The following ZNF318 variants were observed in gnomAD, a reference collection of about 807,000 sequenced individuals.
ZNF318 encodes endocrine regulator.
Under a neutral mutation model 124.2 loss-of-function variants are expected in ZNF318, and 51 were observed. The ratio of observed to expected loss-of-function variants is 0.41; its 90% CI spans 0.33 to 0.52. The LOEUF is 0.52. Ranked by LOEUF, ZNF318 falls within the 20% of genes least tolerant of loss-of-function variation. The probability of loss-of-function intolerance (pLI) is 0.23; values close to 1 mark genes in which losing one functional copy is unlikely to be tolerated. For synonymous variants in ZNF318, 1,090 were observed against 1,040.7 expected (o/e 1.05, Z -0.91); for missense variants, 2,815 against 2,811.2 (o/e 1.00, Z -0.03).
intron 1 of ZNF318, 104 bp downstream of exon 1, chr6:43,368,863 G>A (rs1472004723): frequency 1.6e-6 from 2 of 1,237,876 alleles, no homozygotes; most frequent in Non-Finnish European, 2.0e-6. Flanking sequence ...CGGAGGCTTC[G>A]CGCTTAGGAC....
In ZNF318 at chr6:43,339,595, T is replaced by G. The variant is rs1447797918; in HGVS notation, c.4403A>C (p.Gln1468Pro). The stretch of plus-strand genomic sequence containing the variant: ...TACTGGAGCCAAGATAGCATTTGCT[T>G]GAGCAGCAGACGGGGCAGCTGGATG... The part of the protein sequence containing the change: ...IPHPAAPSAA[Q>P]ANAILAPVKS... Residue 1468 changes from glutamine to proline, a missense_variant, in exon 10 of 10, where the codon CAA becomes CCA. Around this residue, in one of 4 missense-constraint regions of ZNF318, gnomAD observed 500 missense variants for 605.2 expected, o/e 0.83. Transcript: ENST00000361428. This position sits in a 1 kb window ranked among gnomAD's most constrained non-coding sequence, Gnocchi z 4.2. 5 of 1,582,340 alleles carry G rather than the reference T, an allele frequency of 3.2e-6. No homozygotes were observed. The highest frequency in any genetic ancestry group is 4.3e-6 in the Non-Finnish European group (5 of 1,168,944).
chr6:43,363,741 T>C (rs1779719201), intron 2 of ZNF318: 6 of 603,288 alleles, frequency 9.9e-6, no homozygotes. Flanking sequence ...TGTTGAAGAT[T>C]ATGCCAGTGC....
chr6:43,346,719 T>G (rs983327358), intron 6 of ZNF318, among the ~76,000 whole-genome samples: 5 of 151,534 alleles, frequency 3.3e-5, no homozygotes, highest in Non-Finnish European at 7.4e-5. Flanking sequence ...AATGGGTGAG[T>G]GGGGTTGGGA....
At position 43,357,425 on chromosome 6, in the gene ZNF318, G is replaced by C. The variant is rs137929235; in HGVS notation, c.889C>G (p.Arg297Gly). 3 of 1,614,142 alleles carry C rather than the reference G, an allele frequency of 1.9e-6. No individual in the cohort carries two copies. In the Admixed American group the frequency reaches 5.0e-5, roughly 27 times the overall value. The stretch of plus-strand genomic sequence containing the variant: ...CTTCTTCTACGCTGTCGATAGTTGC[G>C]AGTTCCTGATGTAAAACTTGGGTGA... ...GDHPSFTSGT[R>G]NYRQRRRSPS... The change falls in exon 3 of 10, where the codon CGC becomes GGC. Residue 297 changes from arginine to glycine, a missense_variant. Coordinates refer to ENST00000361428, the MANE Select transcript of ZNF318 (RefSeq NM_014345.3).
In ZNF318 at chr6:43,369,260, C is replaced by G. The variant is rs1779804776; in HGVS notation, c.106G>C (p.Ala36Pro). ...GGAGGCGGCGGTGAGCTGCGGCGAG[C>G]CGGGCCTGAGGAGGAGCCAGAGCTG... is the stretch of plus-strand genomic sequence containing the variant. ...GRSSGSSSGP[A>P]RRSSPPPPPS... The change falls in exon 1 of 10, where the codon GCT (alanine) becomes CCT (proline). Residue 36 changes from alanine (A) to proline (P), a missense_variant. This residue lies in a region of ZNF318 where 1,377 missense variants were observed against 1,353.5 expected (regional missense o/e 1.02). Coordinates refer to ENST00000361428, the MANE Select transcript of ZNF318 (RefSeq NM_014345.3). 4 of 1,277,870 alleles carry G rather than the reference C, an allele frequency of 3.1e-6. No individual in the cohort carries two copies. Among genetic ancestry groups the G allele is most frequent in the Non-Finnish European group, 4.0e-6 (4 of 1,010,420 alleles). The allele number at this position is 1,277,870 out of a possible 1,614,324, so 79.2% of individuals were successfully genotyped here.
intron 2 of ZNF318, among the ~76,000 whole-genome samples, chr6:43,361,031 GC>G (rs1779674966): frequency 6.6e-6 from 1 of 152,126 alleles, no homozygotes; most frequent in Non-Finnish European, 1.5e-5. Flanking sequence ...CTCTGAATAT[GC>G]GAAAAATCAC....
chr6:43,366,781 G>A (rs545642381), intron 1 of ZNF318, among the ~76,000 whole-genome samples: 18 of 152,218 alleles, frequency 1.2e-4, no homozygotes, highest in African/African-American at 3.1e-4. Context: ...ACTCAAGCCC[G>A]GGTGACAGAG....
chr6:43,337,703 TCCTAACA>T lies in ZNF318; in HGVS notation c.6288_6294del (p.Ser2096ArgfsTer8). 1 of 1,614,150 alleles carries T rather than the reference TCCTAACA, an allele frequency of 6.2e-7. No homozygotes were observed. Among genetic ancestry groups the T allele is most frequent in the Admixed American group, 1.7e-5 (1 of 60,020 alleles). On this transcript the variant is annotated frameshift_variant, in exon 10 of 10. Transcript: ENST00000361428. LOFTEE classifies it high-confidence loss of function. Reference sequence around the variant, plus strand: ...GTTTTCAAAATGTTAGGAGAAGGGATCCTAACACTCCTGGGATTAGGTGAGTTTCGTT... The same window carrying T: ...GTTTTCAAAATGTTAGGAGAAGGGATCTCCTGGGATTAGGTGAGTTTCGTT...
Position 43,338,044 on chromosome 6 carries a change from A to G in ZNF318, c.5954T>C (p.Val1985Ala). 6.2e-7 allele frequency: 1 copy of G among 1,614,152 alleles called. No individual in the cohort carries two copies. Among genetic ancestry groups the G allele is most frequent in the African/African-American group, 1.3e-5 (1 of 75,032 alleles). The change falls in exon 10 of 10, where the codon GTC becomes GCC. Residue 1985 changes from valine (V) to alanine (A), a missense_variant. Val to Ala is a moderately conservative substitution (Grantham distance 64, BLOSUM62 0). Around this residue, in one of 4 missense-constraint regions of ZNF318, gnomAD observed 927 missense variants for 820.6 expected, o/e 1.13. Coordinates refer to ENST00000361428, the MANE Select transcript of ZNF318 (RefSeq NM_014345.3). ...TATTGTCACTGTTAACTCTGGATGG[A>G]CATCTTGTAGCTCCAGTGCTTCTGT... ...PKTEALELQD[V>A]HPELTVTIES...
chr6:43,355,743 T>A lies in ZNF318; in HGVS notation c.1591A>T (p.Ile531Phe). The A allele has an allele frequency of 6.2e-7, 1 of 1,614,190 alleles. No homozygotes were observed. Residue 531 changes from isoleucine to phenylalanine, a missense_variant, in exon 4 of 10, where the codon ATT becomes TTT. Transcript: ENST00000361428. ...QEKRRRSFPD[I>F]EDEEKFLYGD... is the part of the protein sequence containing the mutation. ...TAGAGAAATTTCTCCTCATCTTCAATGTCGGGAAAGCTACGTCGCCTTTTT... is the reference window on the plus strand; with the variant it reads ...TAGAGAAATTTCTCCTCATCTTCAAAGTCGGGAAAGCTACGTCGCCTTTTT...
In ZNF318 at chr6:43,365,439, C is replaced by T. The variant is rs201521793; in HGVS notation, c.401G>A (p.Arg134Lys). 2 of 1,613,222 alleles carry T rather than the reference C, an allele frequency of 1.2e-6. No homozygotes were observed. The highest frequency in any genetic ancestry group is 2.2e-5 in the East Asian group (1 of 44,876). Residue 134 changes from arginine (R) to lysine (K), a missense_variant and splice_region_variant, in exon 2 of 10, where the codon AGA becomes AAA. Coordinates refer to ENST00000361428, the MANE Select transcript of ZNF318 (RefSeq NM_014345.3). ...GTCAGAACACAGACCAGGAGAGCGT[C>T]TCTACAAAAGTAAAGGATAATATGG... ...GDHPGDSGSR[R>K]RSPGLCSDSL...
rs73440334 is a variant in ZNF318 at position 43,346,571 on chromosome 6, C to T, written c.3072+1753G>A. On this transcript the variant is annotated intron_variant, in intron 6 of 9. Transcript: ENST00000361428. ...GCAGCTCTCATTTAGTGGAGACAGACGTAAGAAGAGTCTTTAAATAAGACA... is the reference window on the plus strand; with the variant it reads ...GCAGCTCTCATTTAGTGGAGACAGATGTAAGAAGAGTCTTTAAATAAGACA... 1.7e-3 allele frequency among the ~76,000 whole-genome samples: 246 copies of T among 142,210 alleles called. 4 individuals are homozygous for T. Among genetic ancestry groups the T allele is most frequent in the African/African-American group, 6.0e-3 (230 of 38,090 alleles). 93.3% of individuals were successfully genotyped at this position (142,210 alleles called of 152,430 possible). A position where few individuals can be genotyped will look rare whatever the true frequency, so the allele number is the denominator to read the frequency against.
chr6:43,349,277 T>C (rs1211725618), intron 5 of ZNF318, among the ~76,000 whole-genome samples: 1 of 152,178 alleles, frequency 6.6e-6, no homozygotes, highest in African/African-American at 2.4e-5. Context: ...AGTTGTCCTC[T>C]CTTCAGAGGG....
rs759897239 is a variant in ZNF318, at chr6:43,365,338, T to G, written c.502A>C (p.Ser168Arg). ...TCCACTGGTGACCCCAGCCGATCAC[T>G]AAGCCGTCGCCGTTCTGGTGTGCTA... ...CVSTPERRRL[S>R]DRLGSPVDNL... The change falls in exon 2 of 10, where the codon AGT (serine) becomes CGT (arginine). Residue 168 changes from serine (S) to arginine (R), a missense_variant. Around this residue, in one of 4 missense-constraint regions of ZNF318, gnomAD observed 1,377 missense variants for 1,353.5 expected, o/e 1.02. Transcript: ENST00000361428. 6.2e-7 allele frequency: 1 copy of G among 1,614,238 alleles called. No individual in the cohort carries two copies. The highest frequency in any genetic ancestry group is 1.1e-5 in the South Asian group (1 of 91,090).
At position 43,354,763 on chromosome 6, in the gene ZNF318, A is replaced by G. The variant is rs140852729; in HGVS notation, c.2571T>C (p.Pro857=). The G allele has an allele frequency of 3.1e-6, 5 of 1,614,072 alleles. No homozygotes were observed. Among genetic ancestry groups the G allele is most frequent in the Non-Finnish European group, 4.2e-6 (5 of 1,180,036 alleles). Residue 857 remains proline (P), a synonymous_variant, in exon 4 of 10, where the codon CCT becomes CCC. Transcript: ENST00000361428. ...KQKESLRGSI[P]AAQVPVQVSI... ...ACACCTGGACAGGCACTTGGGCCGC[A>G]GGAATTGAGCCTCGCAGAGACTCTT...
In ZNF318 at chr6:43,342,140, G is replaced by A; in HGVS notation, c.3348C>T (p.Arg1116=). 6.2e-7 allele frequency: 1 copy of A among 1,614,100 alleles called. No homozygotes were observed. Among genetic ancestry groups the A allele is most frequent in the Non-Finnish European group, 8.5e-7 (1 of 1,179,984 alleles). ...QSEAKQDAIK[R]TDKITVPAKG... ...TTGCAGGAACAGTTATCTTGTCAGT[G>A]CGCTTTATGGCATCTTGCTTGGCCT... The change falls in exon 8 of 10, where the codon CGC becomes CGT. Residue 1116 remains arginine, a synonymous_variant. Coordinates refer to ENST00000361428, the MANE Select transcript of ZNF318 (RefSeq NM_014345.3).
At chr6:43,348,700 T>C in intron 5 of ZNF318, 75 bp from the exon 6 acceptor site, 5 of 1,497,740 alleles carry the variant, frequency 3.3e-6, no homozygotes, top group South Asian at 1.3e-5. Flanking sequence ...AAGCAATAAT[T>C]TGTCAGGGCT....
intron 2 of ZNF318, chr6:43,363,506 C>T (rs968552187): frequency 4.3e-5 from 9 of 211,498 alleles, no homozygotes; most frequent in East Asian, 1.2e-4. Context: ...GATGGGAAAC[C>T]GTGGTGGCTT....
intron 1 of ZNF318, among the ~76,000 whole-genome samples, chr6:43,367,473 T>C (rs1779777321): frequency 6.6e-6 from 1 of 152,008 alleles, no homozygotes; most frequent in Non-Finnish European, 1.5e-5. Flanking sequence ...ATGCAAGAGG[T>C]AATAGGGCTT....
Sources: allele counts gnomAD v4.1 joint callset (sites outside exome capture counted in the v4.1 genomes callset), GRCh38; gene constraint gnomAD v4.1.1; regional missense constraint gnomAD v4.1.1; non-coding constraint Gnocchi (gnomAD v3.1); transcripts MANE v1.5; gene names NCBI Gene and HGNC (gene_info 2026-07-23, HGNC 2026-07-21).